TAFA1: variants seen among roughly 807,000 people sequenced by gnomAD.
TAFA1 encodes TAFA chemokine like family member 1, also known as chemokine-like protein TAFA-1.
A neutral mutation model predicts 18.5 loss-of-function variants in TAFA1; 4 were observed. That is an observed-to-expected ratio of 0.22 (90% CI 0.11 to 0.49). TAFA1 has a LOEUF of 0.49. Ranked by LOEUF, TAFA1 falls within the 20% of genes least tolerant of loss-of-function variation. TAFA1 has a pLI of 0.98. For missense variants in TAFA1, 147 were observed against 169.0 expected (o/e 0.87, Z 0.72); for synonymous variants, 56 against 55.2 (o/e 1.01, Z -0.06).
chr3:68,409,233 CGGAAAGTCTGCT>C (rs1249737528), intron 2 of TAFA1, among the ~76,000 whole-genome samples: 2 of 152,052 alleles, frequency 1.3e-5, no homozygotes, highest in African/African-American at 4.8e-5. Flanking sequence ...TCTTCTTTCC[CGGAAAGTCTGCT>C]GTTGTGATAA....
At chr3:68,065,169 G>T (rs183867134) in intron 2 of TAFA1, among the ~76,000 whole-genome samples, 1 of 152,154 alleles carries the variant, frequency 6.6e-6, no homozygotes, top group Admixed American at 6.5e-5. Flanking sequence ...GACAGAGAGC[G>T]ACTAACTATG....
intron 2 of TAFA1, among the ~76,000 whole-genome samples, chr3:68,113,379 G>T (rs11127867): frequency 0.94 from 142,631 of 152,256 alleles, 66,906 homozygotes; most frequent in South Asian, 0.97. Context: ...AAAGCAAACT[G>T]CACACCTGAC....
chr3:68,144,412 T>A (rs372566572), intron 2 of TAFA1, among the ~76,000 whole-genome samples: 4 of 152,306 alleles, frequency 2.6e-5, no homozygotes, highest in African/African-American at 9.6e-5. Flanking sequence ...GACCATCACT[T>A]CCTGACTTTG....
At chr3:68,437,190 C>G (rs114350308) in intron 3 of TAFA1, among the ~76,000 whole-genome samples, 5,049 of 152,164 alleles carry the variant, frequency 0.033, 104 homozygotes, top group South Asian at 0.06. Context: ...ACAGGCAATG[C>G]AAAGAGGGAA....
intron 2 of TAFA1, among the ~76,000 whole-genome samples, chr3:68,227,343 T>C (rs548486342): frequency 1.3e-5 from 2 of 152,176 alleles, no homozygotes; most frequent in Non-Finnish European, 2.9e-5. Context: ...CCTTTCCTGC[T>C]AAAAAGCAAT....
chr3:68,290,982 T>G (rs1325745314), intron 2 of TAFA1, among the ~76,000 whole-genome samples: 1 of 152,140 alleles, frequency 6.6e-6, no homozygotes, highest in East Asian at 1.9e-4. Context: ...CTGCTAAGCT[T>G]TATTTTTTTT....
chr3:68,491,776 C>T (rs1443982204), intron 3 of TAFA1, among the ~76,000 whole-genome samples: 2 of 152,122 alleles, frequency 1.3e-5, no homozygotes, highest in Non-Finnish European at 2.9e-5. Flanking sequence ...TGCTACCCAA[C>T]GTCATGTTTA....
At chr3:68,332,991 G>A (rs1217152606) in intron 2 of TAFA1, among the ~76,000 whole-genome samples, 2 of 152,212 alleles carry the variant, frequency 1.3e-5, no homozygotes, top group East Asian at 3.9e-4. Flanking sequence ...TTCCTAAAAA[G>A]TCAAAAAATA....
At chr3:68,389,116 T>C (rs1333904083) in intron 2 of TAFA1, among the ~76,000 whole-genome samples, 1 of 152,220 alleles carries the variant, frequency 6.6e-6, no homozygotes, top group Non-Finnish European at 1.5e-5. Context: ...AGTTCATCCA[T>C]GTAGGTTGAT....
rs148537642 is a variant in TAFA1, at chr3:68,423,034, T to C, written c.259+5614T>C. Among the ~76,000 whole-genome samples the C allele has an allele frequency of 1.2e-4, 18 of 152,118 alleles. 1 individual carries two copies. Among genetic ancestry groups the C allele is most frequent in the African/African-American group, 3.4e-4 (14 of 41,540 alleles). ...AACACACCTATTTATTTGAGAACAA[T>C]TTTTCCAAGCAAATGATTTAAAACA... On this transcript the variant is annotated intron_variant, in intron 3 of 4. Transcript: ENST00000478136.
intron 3 of TAFA1, among the ~76,000 whole-genome samples, chr3:68,520,731 G>A (rs916444808): frequency 5.3e-5 from 8 of 152,184 alleles, no homozygotes; most frequent in African/African-American, 1.7e-4. Flanking sequence ...GATCATGCAT[G>A]TAAAGTGGAG....
intron 2 of TAFA1, chr3:68,250,954 T>C (rs917582338): frequency 3.3e-5 from 5 of 152,140 alleles, no homozygotes; most frequent in Admixed American, 6.5e-5. Context: ...ATACATATGA[T>C]AGAAATGGCA....
At chr3:68,145,931 A>G (rs1366921118) in intron 2 of TAFA1, among the ~76,000 whole-genome samples, 1 of 152,196 alleles carries the variant, frequency 6.6e-6, no homozygotes, top group Non-Finnish European at 1.5e-5. Flanking sequence ...TTTGGTTTAC[A>G]CAACCCGGGG....
At position 68,395,600 on chromosome 3, in the gene TAFA1, T is replaced by A. The variant is rs189427423; in HGVS notation, c.119-21680T>A. Among the ~76,000 whole-genome samples the A allele has an allele frequency of 1.8e-4, 28 of 152,300 alleles. No homozygotes were observed. In the East Asian group the frequency reaches 5.4e-3, roughly 29 times the overall value. ...GACAGGATAAAGAAAATGTGGCACA[T>A]ATACACTATGGAATACTATGCAGCC... On this transcript the variant is annotated intron_variant, in intron 2 of 4. Coordinates refer to ENST00000478136, the MANE Select transcript of TAFA1 (RefSeq NM_213609.4).
At chr3:67,997,079 A>T in the TAFA1 span, among the ~76,000 whole-genome samples, 1 of 152,142 alleles carries the variant, frequency 6.6e-6, no homozygotes, top group Non-Finnish European at 1.5e-5. Context: ...AGGAAAAAGG[A>T]AGGGGAAGGG....
At chr3:68,277,295 T>C (rs1324278917) in intron 2 of TAFA1, among the ~76,000 whole-genome samples, 1 of 152,170 alleles carries the variant, frequency 6.6e-6, no homozygotes, top group Non-Finnish European at 1.5e-5. Flanking sequence ...AAGGATATTA[T>C]CTCATTTGCA....
chr3:68,363,325 G>T (rs762375592), intron 2 of TAFA1, among the ~76,000 whole-genome samples: 7 of 152,142 alleles, frequency 4.6e-5, no homozygotes, highest in Non-Finnish European at 1.0e-4. Flanking sequence ...AATGAACCAC[G>T]ATGGGTCCTG....
At chr3:68,367,890 G>A (rs2069603316) in intron 2 of TAFA1, among the ~76,000 whole-genome samples, 1 of 152,106 alleles carries the variant, frequency 6.6e-6, no homozygotes, top group African/African-American at 2.4e-5. Flanking sequence ...GGTGAAGGGA[G>A]TGGTTCTATT....
At chr3:68,171,442 A>G (rs1448448652) in intron 2 of TAFA1, among the ~76,000 whole-genome samples, 1 of 152,224 alleles carries the variant, frequency 6.6e-6, no homozygotes, top group African/African-American at 2.4e-5. Flanking sequence ...TGTTGTTTTA[A>G]GTTACTAAAT....
Sources: allele counts gnomAD v4.1 joint callset (sites outside exome capture counted in the v4.1 genomes callset), GRCh38; gene constraint gnomAD v4.1.1; transcripts MANE v1.5; gene names NCBI Gene and HGNC (gene_info 2026-07-23, HGNC 2026-07-21).